Variants in LCA5 observed in about 807,000 individuals in gnomAD.
LCA5 encodes lebercilin LCA5.
LCA5 carries 37 observed loss-of-function variants against 53.0 expected under a neutral mutation model. That is an observed-to-expected ratio of 0.70 (90% CI 0.54 to 0.92). LCA5 has a LOEUF of 0.92. Ranked by LOEUF, LCA5 falls within the 40% of genes least tolerant of loss-of-function variation. The pLI, the probability that LCA5 is intolerant of heterozygous loss-of-function variation, is 0.00. For synonymous variants in LCA5, 303 were observed against 282.9 expected (o/e 1.07, Z -0.71); for missense variants, 806 against 790.5 (o/e 1.02, Z -0.23).
chr6:79,492,713 C>G, intron 4 of LCA5, 66 bp from the exon 5 acceptor site: 1 of 804,864 alleles, frequency 1.2e-6, no homozygotes, highest in Non-Finnish European at 2.1e-6. Flanking sequence ...AAACCCCTCA[C>G]TTTGTCATCT....
chr6:79,502,283 T>C (rs1256678163), intron 3 of LCA5, among the ~76,000 whole-genome samples: 3 of 152,212 alleles, frequency 2.0e-5, no homozygotes, highest in Non-Finnish European at 4.4e-5. Context: ...GAGCTATCTA[T>C]GTCTTACTAT....
intron 1 of LCA5, among the ~76,000 whole-genome samples, chr6:79,524,209 T>G (rs1380547497): frequency 6.6e-6 from 1 of 152,242 alleles, no homozygotes; most frequent in Admixed American, 6.5e-5. Flanking sequence ...CCTATTGTAC[T>G]GCTGTCATTC....
rs1582613268 is a variant in LCA5 at position 79,489,073 on chromosome 6, CTT to C, written c.1231+9_1231+10del. 1.9e-6 allele frequency: 3 copies of C among 1,612,712 alleles called. No homozygotes were observed. The highest frequency in any genetic ancestry group is 2.5e-6 in the Non-Finnish European group (3 of 1,179,702). ...GACTTGTCACATGCTTAAACAAACT[CTT>C]TTTCTTACCATCCTCCAGCTTTTCA... is the stretch of plus-strand genomic sequence containing the variant. On this transcript the variant is annotated intron_variant, in intron 7 of 7. Transcript: ENST00000369846.
At chr6:79,512,358 C>T (rs931265636) in intron 3 of LCA5, among the ~76,000 whole-genome samples, 4 of 151,970 alleles carry the variant, frequency 2.6e-5, no homozygotes, top group African/African-American at 7.2e-5. Flanking sequence ...CACTGATGTA[C>T]GGTGCATATT....
chr6:79,491,043 G>C (rs535747931), intron 6 of LCA5, among the ~76,000 whole-genome samples: 1 of 132,312 alleles, frequency 7.6e-6, no homozygotes, highest in Non-Finnish European at 1.6e-5. Flanking sequence ...CTCCTATATA[G>C]AGGACCAAAA....
chr6:79,487,269 C>T lies in LCA5; in HGVS notation c.1829G>A (p.Gly610Asp). The T allele has an allele frequency of 6.2e-7, 1 of 1,614,048 alleles. No homozygotes were observed. The highest frequency in any genetic ancestry group is 8.5e-7 in the Non-Finnish European group (1 of 1,179,956). The change falls in exon 8 of 8, where the codon GGT becomes GAT. Residue 610 changes from glycine to aspartate, a missense_variant. Transcript: ENST00000369846. Reference sequence around the variant, plus strand: ...GGAAATGGTGCTGCTACCACTGGCACCAAATAACTGTTCCATCAAATTAGC... The same window carrying T: ...GGAAATGGTGCTGCTACCACTGGCATCAAATAACTGTTCCATCAAATTAGC... ...KKANLMEQLF[G>D]ASGSSTISSK...
chr6:79,512,746 C>T (rs939063644), intron 3 of LCA5, among the ~76,000 whole-genome samples: 6 of 152,136 alleles, frequency 3.9e-5, no homozygotes, highest in Non-Finnish European at 8.8e-5. Context: ...ACTAGTCAGT[C>T]AACAGTCTCC....
chr6:79,508,785 A>T (rs1770335316), intron 3 of LCA5, among the ~76,000 whole-genome samples: 1 of 152,158 alleles, frequency 6.6e-6, no homozygotes, highest in South Asian at 2.1e-4. Flanking sequence ...AAACATCACA[A>T]TCAAGCTTCT....
rs909666618 is a variant in LCA5, at chr6:79,519,046, CA to C, written c.-153del. On this transcript the variant is annotated 5_prime_UTR_variant, in exon 2 of 8. Transcript: ENST00000369846. ...TTTTCTCCACAATGTATTTGTAGAC[CA>C]CAATTCACATTGGCATCCAGAAGAT... 142 of 839,228 alleles carry C rather than the reference CA, an allele frequency of 1.7e-4. No homozygotes were observed. The Middle Eastern group carries it at 1.8e-3, about 10-fold the overall frequency. 52.0% of individuals were successfully genotyped at this position (839,228 alleles called of 1,614,324 possible).
intron 3 of LCA5, among the ~76,000 whole-genome samples, chr6:79,504,381 G>A (rs908736320): frequency 1.3e-5 from 2 of 152,136 alleles, no homozygotes; most frequent in Admixed American, 1.3e-4. Flanking sequence ...CACAAACTGG[G>A]CAGCAACTAG....
In LCA5 at chr6:79,513,450, A is replaced by G. The variant is rs766571597; in HGVS notation, c.482T>C (p.Ile161Thr). 2.2e-5 allele frequency: 36 copies of G among 1,613,834 alleles called. No individual in the cohort carries two copies. The highest frequency in any genetic ancestry group is 2.5e-5 in the Non-Finnish European group (30 of 1,179,932). Residue 161 changes from isoleucine to threonine, a missense_variant, in exon 3 of 8, where the codon ATA becomes ACA. Ile to Thr is a moderately conservative substitution (Grantham distance 89). Transcript: ENST00000369846. Reference sequence around the variant, plus strand: ...TGTAATCTCATTGTTATGACGAAATATAAGTTGTGAGATTTCATTTTCGGC... The same window carrying G: ...TGTAATCTCATTGTTATGACGAAATGTAAGTTGTGAGATTTCATTTTCGGC... ...EDAENEISQL[I>T]FRHNNEITAL...
intron 3 of LCA5, among the ~76,000 whole-genome samples, chr6:79,494,448 C>G (rs759275138): frequency 5.9e-5 from 9 of 151,738 alleles, no homozygotes; most frequent in Non-Finnish European, 7.4e-5. Flanking sequence ...AATAACTTGT[C>G]AAGACATCAT....
At chr6:79,528,049 G>A (rs1766843108) in intron 1 of LCA5, among the ~76,000 whole-genome samples, 1 of 152,190 alleles carries the variant, frequency 6.6e-6, no homozygotes, top group Non-Finnish European at 1.5e-5. Flanking sequence ...CCCTCAACAA[G>A]AGTAACCACT....
At position 79,499,943 on chromosome 6, in the gene LCA5, G is replaced by A. The variant is rs530772604; in HGVS notation, c.721-6193C>T. ...TTCCCACCTATGAGTGAGAATATGC[G>A]GTGTTTGGTTTTTTGTTCTTGCGAT... On this transcript the variant is annotated intron_variant, in intron 3 of 7. Coordinates refer to ENST00000369846, the MANE Select transcript of LCA5 (RefSeq NM_001122769.3). Among the ~76,000 whole-genome samples, 470 of 150,314 alleles carry A rather than the reference G, an allele frequency of 3.1e-3. 1 individual carries two copies. The highest frequency in any genetic ancestry group is 5.1e-3 in the Admixed American group (77 of 15,002).
At position 79,487,495 on chromosome 6, in the gene LCA5, C is replaced by T. The variant is rs1193954926; in HGVS notation, c.1603G>A (p.Glu535Lys). 6.2e-7 allele frequency: 1 copy of T among 1,614,044 alleles called. No homozygotes were observed. Among genetic ancestry groups the T allele is most frequent in the Admixed American group, 1.7e-5 (1 of 60,006 alleles). ...QDISFSTPKG[E>K]GQNSGNVRSP... ...CTAACATTTCCTGAATTCTGACCTT[C>T]TCCTTTTGGAGTTGAGAAACTGATG... Residue 535 changes from glutamate to lysine, a missense_variant, in exon 8 of 8, where the codon GAA becomes AAA. Transcript: ENST00000369846.
intron 3 of LCA5, among the ~76,000 whole-genome samples, chr6:79,500,976 A>C (rs1339088412): frequency 1.3e-5 from 2 of 152,148 alleles, no homozygotes; most frequent in Non-Finnish European, 2.9e-5. Context: ...TGACCAATAA[A>C]ATTAGAGTTA....
At chr6:79,515,273 A>C (rs987465725) in intron 2 of LCA5, among the ~76,000 whole-genome samples, 1 of 152,124 alleles carries the variant, frequency 6.6e-6, no homozygotes, top group African/African-American at 2.4e-5. Context: ...GTTAGTAATA[A>C]GAACATTCCA....
chr6:79,510,031 G>C (rs1770369485), intron 3 of LCA5, among the ~76,000 whole-genome samples: 1 of 152,188 alleles, frequency 6.6e-6, no homozygotes, highest in Non-Finnish European at 1.5e-5. Context: ...AGAAGATCAA[G>C]AGTAGCTAAA....
In LCA5 at chr6:79,487,712, C is replaced by T; in HGVS notation, c.1386G>A (p.Leu462=). 1 of 1,613,862 alleles carries T rather than the reference C, an allele frequency of 6.2e-7. No homozygotes were observed. The highest frequency in any genetic ancestry group is 8.5e-7 in the Non-Finnish European group (1 of 1,179,820). ...DKLQGEEEER[L]KREMLLAKLN... ...GTTTAGCAAGTAGCATTTCTCTCTT[C>T]AGTCTTTCTTCTTCCTCTCCTTGCA... is the stretch of plus-strand genomic sequence containing the variant. The change falls in exon 8 of 8, where the codon CTG becomes CTA. Residue 462 remains leucine, a synonymous_variant. Coordinates refer to ENST00000369846, the MANE Select transcript of LCA5 (RefSeq NM_001122769.3).
Sources: gnomAD v4.1 joint callset for allele counts (sites outside exome capture counted in the v4.1 genomes callset) on GRCh38, gnomAD v4.1.1 for gene constraint, MANE v1.5 for transcripts, NCBI Gene and HGNC (gene_info 2026-07-23, HGNC 2026-07-21) for gene names.